The following SYNE2 variants were observed in gnomAD, a reference collection of about 807,000 sequenced individuals.
SYNE2 encodes nesprin-2.
Under a neutral mutation model 856.3 loss-of-function variants are expected in SYNE2, and 431 were observed. That is an observed-to-expected ratio of 0.50 (90% confidence interval 0.47 to 0.55). The LOEUF is 0.55. Among genes scored for constraint, SYNE2 ranks in the 20% least tolerant of loss-of-function variants. The probability of loss-of-function intolerance (pLI) is 0.00; values close to 1 mark genes in which losing one functional copy is unlikely to be tolerated. For missense variants in SYNE2, 8,129 were observed against 8,023.2 expected (o/e 1.01, Z -0.50); for synonymous variants, 2,923 against 2,872.3 (o/e 1.02, Z -0.56).
chr14:64,219,352 A>G lies in SYNE2; in HGVS notation c.19802A>G (p.Lys6601Arg). 2 of 1,614,184 alleles carry G rather than the reference A, an allele frequency of 1.2e-6. No homozygotes were observed. The highest frequency in any genetic ancestry group is 1.7e-6 in the Non-Finnish European group (2 of 1,180,046). ...ACTGAAGCAGAGCTGGAAATGTTAAAGATGGCAAAGCCTCCCTCTGATATC... is the reference window on the plus strand; with the variant it reads ...ACTGAAGCAGAGCTGGAAATGTTAAGGATGGCAAAGCCTCCCTCTGATATC... ...KKTEAELEML[K>R]MAKPPSDIQE... The change falls in exon 110 of 116, where the codon AAG becomes AGG. Residue 6601 changes from lysine (K) to arginine (R), a missense_variant. Transcript: ENST00000555002.
intron 45 of SYNE2, among the ~76,000 whole-genome samples, chr14:64,038,247 G>T (rs1274682221): frequency 1.3e-5 from 2 of 150,288 alleles, no homozygotes; most frequent in Admixed American, 6.6e-5. Flanking sequence ...ACAGGATGGC[G>T]GCCGGGAAGA....
intron 7 of SYNE2, among the ~76,000 whole-genome samples, chr14:63,951,070 C>T (rs942363483): frequency 6.6e-6 from 1 of 151,414 alleles, no homozygotes; most frequent in African/African-American, 2.4e-5. Context: ...TTTACTTTTC[C>T]ATTTTAAGCA....
At position 63,955,059 on chromosome 14, in the gene SYNE2, G is replaced by T. The variant is rs1049915842; in HGVS notation, c.787+144G>T. The T allele has an allele frequency of 1.8e-5, 13 of 710,114 alleles. No individual in the cohort carries two copies. The African/African-American group carries it at 2.1e-4, about 12-fold the overall frequency. 44.0% of individuals were successfully genotyped at this position (710,114 alleles called of 1,614,324 possible). A position where few individuals can be genotyped will look rare whatever the true frequency, so the allele number is the denominator to read the frequency against. On this transcript the variant is annotated intron_variant, in intron 8 of 115. Coordinates refer to ENST00000555002, the MANE Select transcript of SYNE2 (RefSeq NM_182914.3). ...ACTTAAGCTCTTTATCGAATTTGAT[G>T]CAATCAAACAATTCCTACCAATTTG...
intron 1 of SYNE2, among the ~76,000 whole-genome samples, chr14:63,800,903 C>A (rs1300577728): frequency 6.6e-6 from 1 of 152,022 alleles, no homozygotes; most frequent in Non-Finnish European, 1.5e-5. Context: ...TACAACAAAC[C>A]CCTGTGACAT....
rs10673123 is a variant in SYNE2 at position 63,919,972 on chromosome 14, G to GTTTTTTTTTT, written c.79+10755_79+10764dup. On this transcript the variant is annotated intron_variant, in intron 2 of 115. Transcript: ENST00000555002. ...ATATCAGGCACATGATAAAAGGTAA[G>GTTTTTTTTTT]TTTTTTTTTTTTTTTTTTTAAGGTA... is the stretch of plus-strand genomic sequence containing the variant. Among the ~76,000 whole-genome samples, 602 of 110,478 alleles carry GTTTTTTTTTT rather than the reference G, an allele frequency of 5.4e-3. 21 individuals are homozygous for GTTTTTTTTTT. Among genetic ancestry groups the GTTTTTTTTTT allele is most frequent in the African/African-American group, 0.017 (437 of 26,066 alleles). 72.5% of individuals were successfully genotyped at this position (110,478 alleles called of 152,430 possible). A position where few individuals can be genotyped will look rare whatever the true frequency, so the allele number is the denominator to read the frequency against.
chr14:64,222,077 C>T (rs1462299697), intron 112 of SYNE2, among the ~76,000 whole-genome samples: 1 of 152,180 alleles, frequency 6.6e-6, no homozygotes, highest in Non-Finnish European at 1.5e-5. Context: ...TTTCTGTATC[C>T]ACTATGGAAA....
At chr14:64,210,437 G>C (rs2098634418) in intron 103 of SYNE2, among the ~76,000 whole-genome samples, 1 of 152,216 alleles carries the variant, frequency 6.6e-6, no homozygotes, top group African/African-American at 2.4e-5. Context: ...CGCTTCGCTG[G>C]GTCTGGAAAA....
At chr14:63,855,663 C>T (rs777545163) in intron 1 of SYNE2, among the ~76,000 whole-genome samples, 18 of 152,174 alleles carry the variant, frequency 1.2e-4, no homozygotes, top group Non-Finnish European at 1.6e-4. Flanking sequence ...GCCATCCTCG[C>T]GACTCCCATT....
In SYNE2 at chr14:63,935,782, C is replaced by T. The variant is rs568870666; in HGVS notation, c.80-4832C>T. ...TAATTCCAGCGCTTCGGGAGGCCAA[C>T]GTGGGAAGATCACTTCAGTCCAGGA... On this transcript the variant is annotated intron_variant, in intron 2 of 115. Coordinates refer to ENST00000555002, the MANE Select transcript of SYNE2 (RefSeq NM_182914.3). Among the ~76,000 whole-genome samples the T allele has an allele frequency of 3.2e-4, 49 of 152,178 alleles. No individual in the cohort carries two copies. The South Asian group carries it at 8.9e-3, about 28-fold the overall frequency.
chr14:64,006,887 A>G (rs955220525), intron 30 of SYNE2, among the ~76,000 whole-genome samples, 156 bp from the exon 31 acceptor site: 2 of 152,156 alleles, frequency 1.3e-5, no homozygotes, highest in African/African-American at 4.8e-5. Context: ...CTGGAAATGC[A>G]AAGAGCCTCC....
At position 64,163,601 on chromosome 14, in the gene SYNE2, T is replaced by C; in HGVS notation, c.16479+20T>C. ...TTTGAGGTTCATCTTTTCTTTCCAT[T>C]CAAGTTTTAGTCTTAGACATTTGCA... On this transcript the variant is annotated intron_variant, in intron 89 of 115. Transcript: ENST00000555002. 1 of 1,613,686 alleles carries C rather than the reference T, an allele frequency of 6.2e-7. No individual in the cohort carries two copies. Among genetic ancestry groups the C allele is most frequent in the Non-Finnish European group, 8.5e-7 (1 of 1,179,968 alleles).
chr14:64,016,725 C>G (rs1431368703), intron 33 of SYNE2, 94 bp downstream of exon 33: 1 of 878,574 alleles, frequency 1.1e-6, no homozygotes, highest in Admixed American at 2.6e-5. Flanking sequence ...TTCAAAAATA[C>G]TCATTGTAAA....
chr14:63,803,212 C>A (rs1888224166), intron 1 of SYNE2, among the ~76,000 whole-genome samples: 1 of 152,230 alleles, frequency 6.6e-6, no homozygotes, highest in Non-Finnish European at 1.5e-5. Flanking sequence ...CCTAGTGGAT[C>A]CCCCACCGGG....
chr14:63,993,743 A>T, intron 21 of SYNE2, 92 bp from the exon 22 acceptor site: 1 of 1,182,846 alleles, frequency 8.5e-7, no homozygotes, highest in Non-Finnish European at 1.2e-6. Flanking sequence ...TTTACCAGTT[A>T]AAGACATACC....
intron 10 of SYNE2, among the ~76,000 whole-genome samples, chr14:63,964,905 C>T (rs572178575): frequency 6.6e-6 from 1 of 151,980 alleles, no homozygotes; most frequent in East Asian, 1.9e-4. Context: ...CAGGGCTCAA[C>T]CGAGAGTCCT....
rs778607522 is a variant in SYNE2, at chr14:64,126,748, G to T, written c.13858G>T (p.Ala4620Ser). The T allele has an allele frequency of 1.9e-6, 3 of 1,614,140 alleles. No individual in the cohort carries two copies. In the East Asian group the frequency reaches 6.7e-5, roughly 36 times the overall value. The change falls in exon 73 of 116, where the codon GCA becomes TCA. Residue 4620 changes from alanine (A) to serine (S), a missense_variant. By Grantham distance (99) the Ala-to-Ser change is moderately conservative. This residue lies in a region of SYNE2 where 5,410 missense variants were observed against 5,284.8 expected (regional missense o/e 1.02). Coordinates refer to ENST00000555002, the MANE Select transcript of SYNE2 (RefSeq NM_182914.3). ...LQVCLEHTQA[A>S]AVCRSKSLKA... Reference sequence around the variant, plus strand: ...AGTCTGCCTGGAGCACACTCAGGCTGCAGCTGTCTGTAGAAGCAAGTCCCT... The same window carrying T: ...AGTCTGCCTGGAGCACACTCAGGCTTCAGCTGTCTGTAGAAGCAAGTCCCT...
At chr14:63,823,793 A>T (rs1889317391) in intron 1 of SYNE2, among the ~76,000 whole-genome samples, 1 of 151,920 alleles carries the variant, frequency 6.6e-6, no homozygotes, top group South Asian at 2.1e-4. Flanking sequence ...TTGTCACCAT[A>T]GCCAGCTAAT....
Position 64,031,259 on chromosome 14 carries a change from C to T in SYNE2, c.7123C>T (p.Leu2375=). The T allele has an allele frequency of 1.9e-6, 3 of 1,614,038 alleles. No homozygotes were observed. Among genetic ancestry groups the T allele is most frequent in the East Asian group, 2.2e-5 (1 of 44,896 alleles). ...AACAGAAAAGAAAGGAAAGTTTACT[C>T]TGCCAGGCAGAGAGAAGCAGGCCAC... ...RSTEKKGKFT[L]PGREKQATSD... is the part of the protein sequence containing the mutation. The change falls in exon 45 of 116, where the codon CTG becomes TTG. Residue 2375 remains leucine, a synonymous_variant. Coordinates refer to ENST00000555002, the MANE Select transcript of SYNE2 (RefSeq NM_182914.3).
At chr14:63,796,951 C>T (rs540165430) in intron 1 of SYNE2, among the ~76,000 whole-genome samples, 13 of 151,548 alleles carry the variant, frequency 8.6e-5, no homozygotes, top group African/African-American at 2.4e-4. Context: ...TGGTGGCGTG[C>T]GCCTCTAGTC....
Sources: gnomAD v4.1 joint callset for allele counts (sites outside exome capture counted in the v4.1 genomes callset) on GRCh38, gnomAD v4.1.1 for gene constraint, gnomAD v4.1.1 regional missense constraint, MANE v1.5 for transcripts, NCBI Gene and HGNC (gene_info 2026-07-23, HGNC 2026-07-21) for gene names.